The following MAP4 variants were observed in gnomAD, a reference collection of about 807,000 sequenced individuals.
MAP4 encodes microtubule-associated protein 4.
In MAP4, 76 loss-of-function variants were observed where a neutral mutation model predicts 170.2. The observed-to-expected ratio is 0.45, with a 90% CI of 0.37 to 0.54. The LOEUF (loss-of-function observed/expected upper bound fraction) is 0.54. MAP4 is among the 20% of genes least tolerant of loss of function. The pLI, the probability that MAP4 is intolerant of heterozygous loss-of-function variation, is 0.00. For missense variants in MAP4, 2,506 were observed against 2,748.0 expected, an observed-to-expected ratio of 0.91 and a Z score of 1.97; for synonymous variants, 909 against 994.5, an observed-to-expected ratio of 0.91 and a Z score of 1.62.
intron 10 of MAP4, among the ~76,000 whole-genome samples, chr3:47,883,283 G>A (rs2097078713): frequency 6.6e-6 from 1 of 152,066 alleles, no homozygotes; most frequent in African/African-American, 2.4e-5. Context: ...AGGCTGGAGT[G>A]CAGTGGCATG....
At chr3:48,064,914 C>G (rs1000399655) in intron 1 of MAP4, among the ~76,000 whole-genome samples, 1 of 152,094 alleles carries the variant, frequency 6.6e-6, no homozygotes, top group East Asian at 1.9e-4. Context: ...CATTACATCA[C>G]TAGGCAATGA....
chr3:47,974,293 C>A (rs756679490), intron 3 of MAP4: 2 of 309,818 alleles, frequency 6.5e-6, no homozygotes, highest in East Asian at 1.7e-4. Context: ...GGTGTGGTGG[C>A]GCACACCTAT....
At chr3:48,062,052 T>A (rs933034988) in intron 1 of MAP4, among the ~76,000 whole-genome samples, 1 of 151,760 alleles carries the variant, frequency 6.6e-6, no homozygotes, top group Non-Finnish European at 1.5e-5. Flanking sequence ...TTTTGTCGAG[T>A]AGAAAGGGGG....
At chr3:48,042,297 G>A (rs1579486483) in intron 1 of MAP4, among the ~76,000 whole-genome samples, 1 of 152,294 alleles carries the variant, frequency 6.6e-6, no homozygotes, top group East Asian at 1.9e-4. Context: ...AGAAATGACT[G>A]CTTGCTTGCC....
intron 1 of MAP4, among the ~76,000 whole-genome samples, chr3:48,059,735 T>C (rs2100134205): frequency 2.0e-5 from 3 of 152,014 alleles, no homozygotes; most frequent in African/African-American, 4.8e-5. Flanking sequence ...TCCTAGCACT[T>C]TGGGATGCTG....
At chr3:48,010,078 G>A (rs927758882) in intron 1 of MAP4, among the ~76,000 whole-genome samples, 7 of 152,136 alleles carry the variant, frequency 4.6e-5, no homozygotes, top group African/African-American at 1.2e-4. Context: ...GCATCTCTTC[G>A]TATTACCATG....
chr3:47,886,848 T>A (rs757294968), intron 10 of MAP4, among the ~76,000 whole-genome samples: 8 of 152,236 alleles, frequency 5.3e-5, no homozygotes, highest in African/African-American at 1.2e-4. Flanking sequence ...CCCTCTCATA[T>A]CCTCAGCGTT....
chr3:47,892,486 C>T (rs750029150), intron 10 of MAP4: 24 of 1,525,172 alleles, frequency 1.6e-5, no homozygotes, highest in Admixed American at 4.0e-5. Flanking sequence ...TGTCTGAGAG[C>T]GACATCGTCT....
chr3:48,030,545 T>C (rs909489814), intron 1 of MAP4, among the ~76,000 whole-genome samples: 6 of 150,900 alleles, frequency 4.0e-5, no homozygotes, highest in African/African-American at 1.5e-4. Context: ...AGGCCTGTAA[T>C]GCCAGCACTT....
At chr3:47,860,771 A>C (rs2064238598) in intron 17 of MAP4, among the ~76,000 whole-genome samples, 1 of 152,172 alleles carries the variant, frequency 6.6e-6, no homozygotes, top group Non-Finnish European at 1.5e-5. Context: ...ACCTACTTAC[A>C]TGTCATGCTA....
chr3:48,057,914 G>T (rs879289527), intron 1 of MAP4, among the ~76,000 whole-genome samples: 4 of 152,014 alleles, frequency 2.6e-5, no homozygotes, highest in Admixed American at 1.3e-4. Flanking sequence ...TTAAAAAACT[G>T]TGTTTAAAAA....
intron 3 of MAP4, among the ~76,000 whole-genome samples, chr3:47,934,854 C>T (rs1457657977): frequency 6.6e-6 from 1 of 152,172 alleles, no homozygotes; most frequent in African/African-American, 2.4e-5. Context: ...ATCGCTACTC[C>T]AGGCATTAGT....
At chr3:47,914,289 C>T (rs893214010) in intron 8 of MAP4, among the ~76,000 whole-genome samples, 5 of 152,010 alleles carry the variant, frequency 3.3e-5, no homozygotes, top group African/African-American at 1.2e-4. Context: ...CAGGCACGGT[C>T]GCTCACGCCT....
At chr3:47,997,326 T>TAAAAAAAAAA in intron 2 of MAP4, among the ~76,000 whole-genome samples, 1,064 of 44,722 alleles carry the variant, frequency 0.024, 85 homozygotes, top group African/African-American at 0.093. Flanking sequence ...TTTAAACTGC[T>TAAAAAAAAAA]AAAAAAAAAA....
intron 1 of MAP4, among the ~76,000 whole-genome samples, chr3:48,006,951 T>C (rs2100102684): frequency 6.6e-6 from 1 of 152,244 alleles, no homozygotes; most frequent in Non-Finnish European, 1.5e-5. Context: ...TTCCTGTCCA[T>C]AAGGCCCATC....
intron 3 of MAP4, among the ~76,000 whole-genome samples, chr3:47,934,892 T>C (rs192632517): frequency 2.0e-5 from 3 of 152,354 alleles, no homozygotes; most frequent in Admixed American, 6.5e-5. Flanking sequence ...AATGGTGAAA[T>C]GTCCTGCTCT....
chr3:47,937,428 T>G (rs2100053622), intron 3 of MAP4, among the ~76,000 whole-genome samples: 1 of 152,140 alleles, frequency 6.6e-6, no homozygotes, highest in South Asian at 2.1e-4. Flanking sequence ...CTTTTTAAAT[T>G]AGTAAAAATA....
intron 3 of MAP4, among the ~76,000 whole-genome samples, chr3:47,965,414 T>A (rs2100074254): frequency 2.0e-5 from 3 of 152,332 alleles, no homozygotes; most frequent in South Asian, 4.1e-4. Context: ...TGGGCATATA[T>A]CCAGAAGTTG....
intron 1 of MAP4, among the ~76,000 whole-genome samples, chr3:48,080,954 C>A (rs1372965138): frequency 6.6e-6 from 1 of 152,204 alleles, no homozygotes; most frequent in Non-Finnish European, 1.5e-5. Context: ...GAAACCCCGT[C>A]TCTACTAAAA....
Sources: gnomAD v4.1 joint callset for allele counts (sites outside exome capture counted in the v4.1 genomes callset) on GRCh38, gnomAD v4.1.1 for gene constraint, MANE v1.5 for transcripts, NCBI Gene and HGNC (gene_info 2026-07-23, HGNC 2026-07-21) for gene names.